BOD1L1: variants seen among roughly 807,000 people sequenced by gnomAD.
BOD1L1 encodes the protein biorientation of chromosomes in cell division 1 like 1.
Under a neutral mutation model 240.7 loss-of-function variants are expected in BOD1L1, and 86 were observed. The ratio of observed to expected loss-of-function variants is 0.36; its 90% CI spans 0.30 to 0.43. The LOEUF (loss-of-function observed/expected upper bound fraction) is 0.43. Among genes scored for constraint, BOD1L1 ranks in the 20% least tolerant of loss-of-function variants. The pLI is 1.00. For synonymous variants in BOD1L1, 1,268 were observed against 1,272.3 expected (o/e 1.00, Z 0.07); for missense variants, 3,554 against 3,643.5 (o/e 0.98, Z 0.63).
At chr4:13,581,974 C>T (rs1394448228) in intron 19 of BOD1L1, among the ~76,000 whole-genome samples, 1 of 152,114 alleles carries the variant, frequency 6.6e-6, no homozygotes, top group Admixed American at 6.5e-5. Context: ...TTGCCGCTGA[C>T]GTAGAGCACT....
chr4:13,615,062 T>C (rs1455339962), intron 3 of BOD1L1, among the ~76,000 whole-genome samples: 2 of 152,188 alleles, frequency 1.3e-5, no homozygotes, highest in African/African-American at 4.8e-5. Flanking sequence ...AAAGACTATA[T>C]TCTCTAATTA....
At chr4:13,589,103 G>A (rs1305487409) in intron 14 of BOD1L1, among the ~76,000 whole-genome samples, 1 of 152,230 alleles carries the variant, frequency 6.6e-6, no homozygotes, top group Non-Finnish European at 1.5e-5. Flanking sequence ...CCCCCAGTTT[G>A]TGTAGCAACA....
chr4:13,620,178 T>C, intron 1 of BOD1L1, 111 bp from the exon 2 acceptor site: 1 of 1,181,612 alleles, frequency 8.5e-7, no homozygotes, highest in Non-Finnish European at 1.2e-6. Flanking sequence ...TTCTGACAAT[T>C]CTGCTTCAAG....
chr4:13,589,954 G>A (rs537501874), intron 14 of BOD1L1, among the ~76,000 whole-genome samples: 1 of 152,290 alleles, frequency 6.6e-6, no homozygotes, highest in South Asian at 2.1e-4. Flanking sequence ...CAGCCTGCAC[G>A]GGTTGTGTGG....
At position 13,607,124 on chromosome 4, in the gene BOD1L1, G is replaced by A; in HGVS notation, c.1808C>T (p.Thr603Ile). 5 of 1,560,008 alleles carry A rather than the reference G, an allele frequency of 3.2e-6. No individual in the cohort carries two copies. The highest frequency in any genetic ancestry group is 1.9e-5 in the Admixed American group (1 of 52,084). The change falls in exon 9 of 26, where the codon ACA (threonine) becomes ATA (isoleucine). Residue 603 changes from threonine (T) to isoleucine (I), a missense_variant. This residue lies in a region of BOD1L1 where 3,393 missense variants were observed against 3,427.1 expected (regional missense o/e 0.99). Transcript: ENST00000040738. ...YEEDSKETLK[T>I]SEHCEKEKIS... ...GGTTTTATTAAGGCATACCTCACTT[G>A]TTTTAAGGGTTTCTTTGGAATCTTC...
In BOD1L1 at chr4:13,601,711, G is replaced by A; in HGVS notation, c.5189C>T (p.Thr1730Ile). The change falls in exon 10 of 26, where the codon ACA becomes ATA. Residue 1730 changes from threonine to isoleucine, a missense_variant. Transcript: ENST00000040738. ...KKETEGTVTCTGAEGRSDNFV... is the reference protein window; with the variant it reads ...KKETEGTVTCIGAEGRSDNFV... ...GTTATCACTTCTGCCTTCTGCTCCT[G>A]TACATGTCACAGTGCCCTCTGTTTC... is the stretch of plus-strand genomic sequence containing the variant. 2 of 1,613,952 alleles carry A rather than the reference G, an allele frequency of 1.2e-6. No individual in the cohort carries two copies. The highest frequency in any genetic ancestry group is 1.7e-6 in the Non-Finnish European group (2 of 1,179,892).
intron 12 of BOD1L1, chr4:13,593,479 T>G (rs1714381587): frequency 6.6e-6 from 1 of 152,096 alleles, no homozygotes; most frequent in African/African-American, 2.4e-5. Flanking sequence ...AAATATAATT[T>G]TATTGTACTG....
rs1716332906 is a variant in BOD1L1, at chr4:13,613,395, T to C, written c.1324+117A>G. The C allele has an allele frequency of 2.0e-6, 2 of 1,011,388 alleles. No individual in the cohort carries two copies. The highest frequency in any genetic ancestry group is 2.8e-6 in the Non-Finnish European group (2 of 725,966). 62.7% of individuals were successfully genotyped at this position (1,011,388 alleles called of 1,614,324 possible). On this transcript the variant is annotated intron_variant, in intron 5 of 25. Transcript: ENST00000040738. This position sits in a 1 kb window ranked among gnomAD's most constrained non-coding sequence, Gnocchi z 4.0. ...GGGACTCAGAAACAAATCTTCCAAC[T>C]ACAAAATCCCATGCTCTTGCTACTA...
At chr4:13,596,214 C>T (rs1714609416) in intron 11 of BOD1L1, among the ~76,000 whole-genome samples, 1 of 152,154 alleles carries the variant, frequency 6.6e-6, no homozygotes, top group Non-Finnish European at 1.5e-5. Flanking sequence ...AAGACTCTTC[C>T]TGATGGGCTC....
rs942810401 is a variant in BOD1L1, at chr4:13,615,404, T to C, written c.467A>G (p.His156Arg). ...GTGATTTAGCGTGGCCAAAAACTCA[T>C]GCACAGCTTTCTCTACCTGAGGTCT... is the stretch of plus-strand genomic sequence containing the variant. ...TFRPQVEKAV[H>R]EFLATLNHKE... Residue 156 changes from histidine to arginine, a missense_variant, in exon 3 of 26, where the codon CAT becomes CGT. By Grantham distance (29) the His-to-Arg change is conservative (BLOSUM62 0). This residue lies in a region of BOD1L1 where 161 missense variants were observed against 216.4 expected (regional missense o/e 0.74). Coordinates refer to ENST00000040738, the MANE Select transcript of BOD1L1 (RefSeq NM_148894.3). 1 of 1,613,918 alleles carries C rather than the reference T, an allele frequency of 6.2e-7. No individual in the cohort carries two copies. The highest frequency in any genetic ancestry group is 8.5e-7 in the Non-Finnish European group (1 of 1,179,808).
At chr4:13,593,168 A>C (rs993753954) in intron 12 of BOD1L1, 2 of 152,158 alleles carry the variant, frequency 1.3e-5, no homozygotes, top group African/African-American at 4.8e-5. Context: ...CTGAAATTCG[A>C]AATACTTCTG....
At chr4:13,609,961 T>C (rs1428112297) in intron 6 of BOD1L1, among the ~76,000 whole-genome samples, 2 of 152,206 alleles carry the variant, frequency 1.3e-5, no homozygotes, top group Admixed American at 6.5e-5. Context: ...ACTATCTCTT[T>C]CTGGCTCAGA....
At position 13,615,273 on chromosome 4, in the gene BOD1L1, G is replaced by A. The variant is rs761710056; in HGVS notation, c.559+39C>T. The A allele has an allele frequency of 4.3e-5, 65 of 1,496,682 alleles. No homozygotes were observed. In the South Asian group the frequency reaches 8.5e-4, roughly 20 times the overall value. 92.7% of individuals were successfully genotyped at this position (1,496,682 alleles called of 1,614,324 possible). A position where few individuals can be genotyped will look rare whatever the true frequency, so the allele number is the denominator to read the frequency against. ...CCTAACTTGATATTCAGTTCAAGAA[G>A]AAAAACAATGGAACTGACCAAGAGT... On this transcript the variant is annotated intron_variant, in intron 3 of 25. Transcript: ENST00000040738.
chr4:13,585,952 A>C (rs1713653770), intron 17 of BOD1L1, among the ~76,000 whole-genome samples: 1 of 152,210 alleles, frequency 6.6e-6, no homozygotes, highest in Non-Finnish European at 1.5e-5. Context: ...TTTCCTTTAT[A>C]AATTACCCAG....
At chr4:13,617,282 C>CAA (rs35413755) in intron 2 of BOD1L1, among the ~76,000 whole-genome samples, 21 of 149,108 alleles carry the variant, frequency 1.4e-4, no homozygotes, top group African/African-American at 3.0e-4. Context: ...AAAAAAGTAC[C>CAA]AAAAAAAAAT....
intron 1 of BOD1L1, 25 bp downstream of exon 1, chr4:13,627,319 AC>A: frequency 8.0e-7 from 1 of 1,250,332 alleles, no homozygotes; most frequent in Non-Finnish European, 1.0e-6. Flanking sequence ...TCCCTCGCAG[AC>A]CCCCAAACCC....
chr4:13,620,211 C>G (rs901914908), intron 1 of BOD1L1, 144 bp from the exon 2 acceptor site: 1 of 813,338 alleles, frequency 1.2e-6, no homozygotes, highest in Admixed American at 3.3e-5. Context: ...CATTCAAATA[C>G]TACTTATTTT....
chr4:13,587,490 G>A (rs919377560), intron 16 of BOD1L1, among the ~76,000 whole-genome samples: 1 of 152,098 alleles, frequency 6.6e-6, no homozygotes, highest in Non-Finnish European at 1.5e-5. Flanking sequence ...CCAGCGGTTG[G>A]GTCTTCTGCA....
In BOD1L1 at chr4:13,599,459, C is replaced by T; in HGVS notation, c.7441G>A (p.Ala2481Thr). The T allele has an allele frequency of 1.9e-6, 3 of 1,614,022 alleles. No homozygotes were observed. The highest frequency in any genetic ancestry group is 2.5e-6 in the Non-Finnish European group (3 of 1,179,880). Residue 2481 changes from alanine (A) to threonine (T), a missense_variant, in exon 10 of 26, where the codon GCA becomes ACA. This residue lies in a region of BOD1L1 where 3,393 missense variants were observed against 3,427.1 expected (regional missense o/e 0.99). Coordinates refer to ENST00000040738, the MANE Select transcript of BOD1L1 (RefSeq NM_148894.3). ...KEDKSPETGT[A>T]GGSSTASYSA... is the part of the protein sequence containing the mutation. Reference sequence around the variant, plus strand: ...TAACTTGCTGTGCTACTGCCCCCTGCTGTCCCTGTCTCTGGGCTCTTATCT... The same window carrying T: ...TAACTTGCTGTGCTACTGCCCCCTGTTGTCCCTGTCTCTGGGCTCTTATCT...
Sources: gnomAD v4.1 joint callset for allele counts (sites outside exome capture counted in the v4.1 genomes callset) on GRCh38, gnomAD v4.1.1 for gene constraint, gnomAD v4.1.1 regional missense constraint, Gnocchi (gnomAD v3.1) non-coding constraint, MANE v1.5 for transcripts, NCBI Gene and HGNC (gene_info 2026-07-23, HGNC 2026-07-21) for gene names.